TRPV2: variants seen among roughly 807,000 people sequenced by gnomAD.
TRPV2 encodes OTRPC2.
Under a neutral mutation model 91.0 loss-of-function variants are expected in TRPV2, and 58 were observed. The observed-to-expected ratio is 0.64, with a 90% CI of 0.52 to 0.79. The LOEUF (loss-of-function observed/expected upper bound fraction) is 0.79, where lower values mean the gene tolerates loss of function less well. TRPV2 is among the 30% of genes least tolerant of loss of function. The pLI, the probability that TRPV2 is intolerant of heterozygous loss-of-function variation, is 0.00. For synonymous variants in TRPV2, 417 were observed against 414.8 expected (o/e 1.01, Z -0.06); for missense variants, 807 against 969.6 (o/e 0.83, Z 2.23).
intron 9 of TRPV2, 58 bp from the exon 10 acceptor site, chr17:16,428,759 G>A: frequency 6.2e-7 from 1 of 1,604,756 alleles, no homozygotes; most frequent in African/African-American, 1.3e-5. Context: ...GCATAGGCCA[G>A]TGGGGGCTCA....
chr17:16,422,485 C>T, intron 3 of TRPV2, 114 bp from the exon 4 acceptor site: 3 of 1,052,214 alleles, frequency 2.9e-6, no homozygotes, highest in Non-Finnish European at 4.1e-6. Flanking sequence ...TGTGTAGCAT[C>T]TCTTTTAATC....
chr17:16,431,291 ATTTTTT>A (rs1167449708), intron 10 of TRPV2, among the ~76,000 whole-genome samples: 6,565 of 67,194 alleles, frequency 0.098, 330 homozygotes, highest in Non-Finnish European at 0.12. Context: ...ATATATACAT[ATTTTTT>A]TTTTTTTTTT....
At chr17:16,422,360 G>GA (rs10708363) in intron 3 of TRPV2, among the ~76,000 whole-genome samples, 6 of 148,936 alleles carry the variant, frequency 4.0e-5, no homozygotes, top group African/African-American at 9.9e-5. Flanking sequence ...AAAAGAAAAA[G>GA]AAAAAAAAAG....
intron 9 of TRPV2, 179 bp downstream of exon 9, chr17:16,428,566 C>G (rs1401471222): frequency 1.3e-6 from 1 of 751,476 alleles, no homozygotes; most frequent in Non-Finnish European, 2.2e-6. Context: ...CCCTTGTGCT[C>G]CCATCACTGT....
rs779100384 is a variant in TRPV2 at position 16,432,269 on chromosome 17, C to T, written c.1958C>T (p.Ala653Val). 6.3e-5 allele frequency: 102 copies of T among 1,610,438 alleles called. No homozygotes were observed. The highest frequency in any genetic ancestry group is 8.5e-5 in the Non-Finnish European group (100 of 1,177,138). The change falls in exon 12 of 15, where the codon GCC becomes GTC. Residue 653 changes from alanine (A) to valine (V), a missense_variant. Coordinates refer to ENST00000338560, the MANE Select transcript of TRPV2 (RefSeq NM_016113.5). The stretch of plus-strand genomic sequence containing the variant: ...ATGAGCGAGACCGTCAACAGTGTCG[C>T]CACTGACAGCTGGAGCATCTGGAAG... ...ALMSETVNSV[A>V]TDSWSIWKLQ...
intron 8 of TRPV2, among the ~76,000 whole-genome samples, chr17:16,428,111 T>G (rs2093392644): frequency 6.6e-6 from 1 of 152,188 alleles, no homozygotes; most frequent in Non-Finnish European, 1.5e-5. Context: ...GCTCTTCACC[T>G]GCACCCCCCG....
chr17:16,428,456 G>A, intron 9 of TRPV2, 69 bp downstream of exon 9: 4 of 1,547,574 alleles, frequency 2.6e-6, no homozygotes, highest in Non-Finnish European at 1.8e-6. Flanking sequence ...TGTGGCAGAA[G>A]GCACCAGGTT....
At chr17:16,420,609 C>A (rs1270588509) in intron 3 of TRPV2, among the ~76,000 whole-genome samples, 2 of 152,192 alleles carry the variant, frequency 1.3e-5, no homozygotes, top group Non-Finnish European at 2.9e-5. Context: ...TCAAAGCACT[C>A]TTTGCCCAAA....
rs140279865 is a variant in TRPV2, at chr17:16,421,354, T to C, written c.334+1106T>C. 3.8e-3 allele frequency among the ~76,000 whole-genome samples: 574 copies of C among 151,822 alleles called. 3 individuals carry two copies. Among genetic ancestry groups the C allele is most frequent in the African/African-American group, 0.013 (525 of 41,364 alleles). On this transcript the variant is annotated intron_variant, in intron 3 of 14. Coordinates refer to ENST00000338560, the MANE Select transcript of TRPV2 (RefSeq NM_016113.5). Reference sequence around the variant, plus strand: ...GCCTCAGCCTCCCGAGCAGCTGGGATTACAGGCACCAGCCACCACACCTGG... The same window carrying C: ...GCCTCAGCCTCCCGAGCAGCTGGGACTACAGGCACCAGCCACCACACCTGG...
chr17:16,426,695 C>G lies in TRPV2; in HGVS notation c.1096-27C>G, dbSNP rs1277249731. ...AGCCTATTTGCACTTGTTGAGTGTA[C>G]CCATGGCTCTCCCCTCCCCACCCCA... On this transcript the variant is annotated intron_variant, in intron 6 of 14. Transcript: ENST00000338560. The surrounding 1 kb of genome is among the most constrained non-coding windows in gnomAD (Gnocchi z 6.0). 1.2e-6 allele frequency: 2 copies of G among 1,603,682 alleles called. No homozygotes were observed. The highest frequency in any genetic ancestry group is 2.7e-5 in the African/African-American group (2 of 74,772).
intron 5 of TRPV2, among the ~76,000 whole-genome samples, chr17:16,424,709 T>G (rs1353503888): frequency 1.3e-5 from 2 of 152,160 alleles, no homozygotes; most frequent in African/African-American, 4.8e-5. Context: ...AACTTTATAA[T>G]GAATTTAGTA....
At position 16,426,194 on chromosome 17, in the gene TRPV2, G is replaced by C; in HGVS notation, c.1020G>C (p.Leu340=). 2 of 1,614,210 alleles carry C rather than the reference G, an allele frequency of 1.2e-6. No individual in the cohort carries two copies. ...EWCYGPVRVS[L]YDLASVDSCE... is the part of the protein sequence containing the mutation. ...GCTATGGGCCTGTCCGGGTGTCGCT[G>C]TATGACCTGGCTTCTGTGGACAGCT... The change falls in exon 6 of 15, where the codon CTG becomes CTC. Residue 340 remains leucine (L), a synonymous_variant. Coordinates refer to ENST00000338560, the MANE Select transcript of TRPV2 (RefSeq NM_016113.5). This position sits in a 1 kb window ranked among gnomAD's most constrained non-coding sequence, Gnocchi z 6.0.
In TRPV2 at chr17:16,422,817, A is replaced by G. The variant is rs1472937582; in HGVS notation, c.553A>G (p.Asn185Asp). 2.5e-6 allele frequency: 4 copies of G among 1,574,374 alleles called. No individual in the cohort carries two copies. Among genetic ancestry groups the G allele is most frequent in the Non-Finnish European group, 3.5e-6 (4 of 1,158,098 alleles). The change falls in exon 4 of 15, where the codon AAT (asparagine) becomes GAT (aspartate). Residue 185 changes from asparagine (N) to aspartate (D), a missense_variant. By Grantham distance (23) the Asn-to-Asp change is conservative. Transcript: ENST00000338560. ...SLQCVKLLVENGANVHARACG... is the reference protein window; with the variant it reads ...SLQCVKLLVEDGANVHARACG... ...GCAGTGTGTGAAGCTCCTGGTGGAG[A>G]ATGGGGCCAATGTGCATGCCCGGGC...
intron 8 of TRPV2, 29 bp from the exon 9 acceptor site, chr17:16,428,288 A>G: frequency 1.2e-6 from 2 of 1,612,286 alleles, no homozygotes; most frequent in East Asian, 2.2e-5. Flanking sequence ...AGCAGGTTTC[A>G]CAGCCCTCTG....
chr17:16,433,001 C>T (rs1417465904), intron 12 of TRPV2, among the ~76,000 whole-genome samples: 1 of 152,068 alleles, frequency 6.6e-6, no homozygotes, highest in Non-Finnish European at 1.5e-5. Context: ...GATAAGGTTT[C>T]ACCATGTTGG....
In TRPV2 at chr17:16,426,868, C is replaced by T; in HGVS notation, c.1242C>T (p.Thr414=). 6.2e-7 allele frequency: 1 copy of T among 1,612,404 alleles called. No homozygotes were observed. Among genetic ancestry groups the T allele is most frequent in the Non-Finnish European group, 8.5e-7 (1 of 1,179,410 alleles). Residue 414 remains threonine, a synonymous_variant, in exon 7 of 15, where the codon ACC becomes ACT. Transcript: ENST00000338560. The surrounding 1 kb of genome is among the most constrained non-coding windows in gnomAD (Gnocchi z 6.0). ...IFTAVAYHQP[T]LKKQAAPHLK... ...CCGCTGTTGCCTACCATCAGCCTAC[C>T]CTGAAGAAGGCAAGGGCGTGAGGTT... is the stretch of plus-strand genomic sequence containing the variant.
At chr17:16,423,850 G>T (rs1210153294) in intron 5 of TRPV2, 83 bp downstream of exon 5, 2 of 1,403,890 alleles carry the variant, frequency 1.4e-6, no homozygotes, top group Admixed American at 2.5e-5. Context: ...GAACCCAGGG[G>T]GTGGTGAAGA....
intron 13 of TRPV2, among the ~76,000 whole-genome samples, chr17:16,434,467 C>CAAAAAA (rs10634588): frequency 9.1e-6 from 1 of 109,764 alleles, no homozygotes; most frequent in African/African-American, 3.7e-5. Flanking sequence ...GACTCCATCT[C>CAAAAAA]AAAAAAAAAA....
At chr17:16,424,923 ATATGT>A (rs941274524) in intron 5 of TRPV2, among the ~76,000 whole-genome samples, 4 of 148,162 alleles carry the variant, frequency 2.7e-5, no homozygotes, top group Admixed American at 6.8e-5. Context: ...TGTACATAAT[ATATGT>A]TATAACTATT....
Sources: gnomAD v4.1 joint callset for allele counts (sites outside exome capture counted in the v4.1 genomes callset) on GRCh38, gnomAD v4.1.1 for gene constraint, Gnocchi (gnomAD v3.1) non-coding constraint, MANE v1.5 for transcripts, NCBI Gene and HGNC (gene_info 2026-07-23, HGNC 2026-07-21) for gene names.